Variants in C5 observed in about 807,000 individuals in gnomAD.
The protein encoded by C5 is C3 and PZP-like alpha-2-macroglobulin domain-containing protein 4.
A neutral mutation model predicts 218.8 loss-of-function variants in C5; 140 were observed. The ratio of observed to expected loss-of-function variants is 0.64; its 90% CI spans 0.56 to 0.74. C5 has a LOEUF of 0.74. Ranked by LOEUF, C5 falls within the 30% of genes least tolerant of loss-of-function variation. C5 has a pLI of 0.00. For synonymous variants in C5, 614 were observed against 682.3 expected (o/e 0.90, Z 1.56); for missense variants, 1,700 against 1,969.6 (o/e 0.86, Z 2.59).
At chr9:121,034,761 A>T (rs1209157107) in intron 5 of C5, 42 bp downstream of exon 5, 1 of 1,140,520 alleles carries the variant, frequency 8.8e-7, no homozygotes, top group South Asian at 1.2e-5. Flanking sequence ...TTCTTCACCA[A>T]AAGTTCCGTA....
intron 33 of C5, among the ~76,000 whole-genome samples, chr9:120,964,951 G>C (rs1412259456): frequency 6.6e-6 from 1 of 152,146 alleles, no homozygotes; most frequent in Non-Finnish European, 1.5e-5. Flanking sequence ...AGGCTGGCGG[G>C]GCTGAGGCTG....
intron 22 of C5, among the ~76,000 whole-genome samples, chr9:120,994,720 A>C (rs142061030): frequency 1.3e-5 from 2 of 152,296 alleles, no homozygotes; most frequent in African/African-American, 4.8e-5. Context: ...GTTGCCTAAA[A>C]TGTTAAGGGA....
chr9:120,970,252 C>A lies in C5; in HGVS notation c.4081-1G>T. ...TGGTTTTGTGAACTACAGTTGTTACCTACATTGGGGACAAGTAAGCAAGAA... is the reference window on the plus strand; with the variant it reads ...TGGTTTTGTGAACTACAGTTGTTACATACATTGGGGACAAGTAAGCAAGAA... On this transcript the variant is annotated splice_acceptor_variant, in intron 31 of 40. Coordinates refer to ENST00000223642, the MANE Select transcript of C5 (RefSeq NM_001735.3). LOFTEE classifies it high-confidence loss of function. The A allele has an allele frequency of 6.2e-7, 1 of 1,605,704 alleles. No homozygotes were observed. The highest frequency in any genetic ancestry group is 8.5e-7 in the Non-Finnish European group (1 of 1,172,640).
Position 121,034,796 on chromosome 9 carries a change from T to C in C5, c.584+7A>G. On this transcript the variant is annotated splice_region_variant and intron_variant, in intron 5 of 40. Transcript: ENST00000223642. ...ATGTGGTTTTATTAACAACTATTTT[T>C]ACATACCTAGGATTAGACGGAATCT... 1 of 1,481,182 alleles carries C rather than the reference T, an allele frequency of 6.8e-7. No homozygotes were observed. The highest frequency in any genetic ancestry group is 9.4e-7 in the Non-Finnish European group (1 of 1,060,684). The allele number at this position is 1,481,182 out of a possible 1,614,324, so 91.8% of individuals were successfully genotyped here. A position where few individuals can be genotyped will look rare whatever the true frequency, so the allele number is the denominator to read the frequency against.
At chr9:121,055,103 G>C (rs934647581), upstream of C5, among the ~76,000 whole-genome samples, 26 of 152,126 alleles carry the variant, frequency 1.7e-4, no homozygotes, top group Non-Finnish European at 2.6e-4. Flanking sequence ...GCTTGGAGAT[G>C]TCCTGCTTTT....
At chr9:120,994,465 C>T (rs2047101069) in intron 22 of C5, among the ~76,000 whole-genome samples, 1 of 151,958 alleles carries the variant, frequency 6.6e-6, no homozygotes, top group Non-Finnish European at 1.5e-5. Flanking sequence ...TGCTTGTAAT[C>T]CCAGCTATTC....
chr9:120,957,932 G>C (rs2046798158), intron 38 of C5, among the ~76,000 whole-genome samples: 1 of 152,192 alleles, frequency 6.6e-6, no homozygotes, highest in Non-Finnish European at 1.5e-5. Flanking sequence ...CCTTCATTCA[G>C]ATATCAATGT....
chr9:120,972,341 G>C (rs767756250), intron 30 of C5, among the ~76,000 whole-genome samples: 28 of 152,138 alleles, frequency 1.8e-4, no homozygotes, highest in Admixed American at 1.8e-3. Context: ...TCTGTGCCTA[G>C]CTCAGGAATC....
At chr9:120,956,711 C>T (rs905764477) in intron 39 of C5, among the ~76,000 whole-genome samples, 2 of 152,142 alleles carry the variant, frequency 1.3e-5, no homozygotes, top group Non-Finnish European at 2.9e-5. Context: ...AAAAAAGACA[C>T]GTAGACCAAT....
At chr9:121,033,376 AT>A (rs2047494484) in intron 5 of C5, among the ~76,000 whole-genome samples, 1 of 152,242 alleles carries the variant, frequency 6.6e-6, no homozygotes, top group Admixed American at 6.5e-5. Context: ...AAAGCAAGAG[AT>A]TACATTACAT....
chr9:120,983,101 A>G (rs2047007048), intron 25 of C5, among the ~76,000 whole-genome samples: 1 of 152,252 alleles, frequency 6.6e-6, no homozygotes, highest in Non-Finnish European at 1.5e-5. Flanking sequence ...TAAAGATAAC[A>G]GAGATAAAAT....
At chr9:120,972,311 G>C (rs1252263423) in intron 30 of C5, among the ~76,000 whole-genome samples, 3 of 152,008 alleles carry the variant, frequency 2.0e-5, no homozygotes, top group Non-Finnish European at 2.9e-5. Context: ...ATCTCCTTTT[G>C]CCAACTGAAT....
Position 121,036,985 on chromosome 9 carries a change from T to C in C5, c.492+896A>G, listed in dbSNP as rs537720108. On this transcript the variant is annotated intron_variant, in intron 4 of 40. Transcript: ENST00000223642. Reference sequence around the variant, plus strand: ...GAGCAGTTATAACTAGTTGTATTATTTTATTTCCTCACAAAAGTGTTTGGG... The same window carrying C: ...GAGCAGTTATAACTAGTTGTATTATCTTATTTCCTCACAAAAGTGTTTGGG... Among the ~76,000 whole-genome samples, 6 of 152,224 alleles carry C rather than the reference T, an allele frequency of 3.9e-5. No individual in the cohort carries two copies. In the South Asian group the frequency reaches 1.2e-3, roughly 32 times the overall value.
chr9:120,970,100 G>C lies in C5; in HGVS notation c.4162+70C>G. ...TGAGTAAGCACATTTTTACTAATCAGAGAAGCTCTCTATTTATACACATGC... is the reference window on the plus strand; with the variant it reads ...TGAGTAAGCACATTTTTACTAATCACAGAAGCTCTCTATTTATACACATGC... On this transcript the variant is annotated intron_variant, in intron 32 of 40. Transcript: ENST00000223642. 10 of 1,058,998 alleles carry C rather than the reference G, an allele frequency of 9.4e-6. No homozygotes were observed. The South Asian group carries it at 1.3e-4, about 14-fold the overall frequency. 65.6% of individuals were successfully genotyped at this position (1,058,998 alleles called of 1,614,324 possible). A position where few individuals can be genotyped will look rare whatever the true frequency, so the allele number is the denominator to read the frequency against.
At chr9:121,023,253 G>C in intron 10 of C5, 151 bp downstream of exon 10, 1 of 704,028 alleles carries the variant, frequency 1.4e-6, no homozygotes, top group Admixed American at 1.9e-5. Context: ...TCCCATCCCT[G>C]TCTGTGTCCA....
At chr9:121,030,556 C>T (rs1451362275) in intron 6 of C5, 69 bp from the exon 7 acceptor site, 4 of 848,452 alleles carry the variant, frequency 4.7e-6, no homozygotes, top group Non-Finnish European at 7.5e-6. Context: ...TAGCAAACAG[C>T]TAGACTTTCT....
intron 20 of C5, 53 bp from the exon 21 acceptor site, chr9:120,997,827 G>C: frequency 6.6e-7 from 1 of 1,507,148 alleles, no homozygotes; most frequent in Non-Finnish European, 9.1e-7. Context: ...TTTTGAGACA[G>C]AGTCTTGCTA....
rs1371025141 is a variant in C5 at position 120,953,847 on chromosome 9, T to A, written c.4784A>T (p.Asp1595Val). The change falls in exon 40 of 41, where the codon GAC becomes GTC. Residue 1595 changes from aspartate (D) to valine (V), a missense_variant. Transcript: ENST00000223642. The part of the protein sequence containing the change: ...YKTGEAVAEK[D>V]SEITFIKKVT... The stretch of plus-strand genomic sequence containing the variant: ...CTTTTTAATGAAGGTAATCTCAGAG[T>A]CTTTCTCAGCAACAGCTTCCCCTGA... The A allele has an allele frequency of 6.2e-7, 1 of 1,614,042 alleles. No homozygotes were observed.
chr9:120,972,426 G>C (rs1285386466), intron 30 of C5, among the ~76,000 whole-genome samples: 2 of 152,098 alleles, frequency 1.3e-5, no homozygotes, highest in Non-Finnish European at 2.9e-5. Context: ...TTGAAAGCGG[G>C]TGCATCTATC....
Sources: allele counts gnomAD v4.1 joint callset (sites outside exome capture counted in the v4.1 genomes callset), GRCh38; gene constraint gnomAD v4.1.1; transcripts MANE v1.5; gene names NCBI Gene and HGNC (gene_info 2026-07-23, HGNC 2026-07-21).